Variants in UNC13B observed in about 807,000 individuals in gnomAD.
UNC13B encodes protein unc-13 homolog B.
Under a neutral mutation model 211.0 loss-of-function variants are expected in UNC13B, and 144 were observed. The observed-to-expected ratio is 0.68, with a 90% CI of 0.60 to 0.78. The LOEUF is 0.78. UNC13B is among the 30% of genes least tolerant of loss of function. The pLI is 0.00. For synonymous variants in UNC13B, 709 were observed against 725.8 expected (o/e 0.98, Z 0.37); for missense variants, 1,777 against 2,002.0 (o/e 0.89, Z 2.14).
intron 6 of UNC13B, among the ~76,000 whole-genome samples, chr9:35,251,400 AACAT>A (rs949035937): frequency 2.6e-4 from 40 of 152,170 alleles, no homozygotes; most frequent in African/African-American, 8.9e-4. Flanking sequence ...CAGCCTGACC[AACAT>A]GGTGAAAACC....
At chr9:35,231,041 G>T in intron 2 of UNC13B, 79 bp from the exon 3 acceptor site, 1 of 908,604 alleles carries the variant, frequency 1.1e-6, no homozygotes, top group South Asian at 1.6e-5. Flanking sequence ...TTTCTATATT[G>T]CTTAATTCCA....
At chr9:35,211,254 G>T (rs1823949716) in intron 1 of UNC13B, among the ~76,000 whole-genome samples, 1 of 152,174 alleles carries the variant, frequency 6.6e-6, no homozygotes, top group Non-Finnish European at 1.5e-5. Flanking sequence ...AAGGTTCTTT[G>T]TGTGTTCTTC....
At chr9:35,386,097 A>G (rs1835170268) in intron 23 of UNC13B, 68 bp from the exon 24 acceptor site, 1 of 1,600,038 alleles carries the variant, frequency 6.2e-7, no homozygotes, top group Non-Finnish European at 8.5e-7. Flanking sequence ...GGTTTGGGGT[A>G]GTGCTAGGAG....
intron 11 of UNC13B, among the ~76,000 whole-genome samples, chr9:35,357,741 A>AT (rs1382975034): frequency 6.6e-6 from 1 of 152,098 alleles, no homozygotes; most frequent in Admixed American, 6.6e-5. Context: ...TCAAAAAACA[A>AT]TTTTTTGTGG....
At chr9:35,314,841 A>G (rs1830364587) in intron 11 of UNC13B, among the ~76,000 whole-genome samples, 1 of 136,130 alleles carries the variant, frequency 7.3e-6, no homozygotes, top group Non-Finnish European at 1.6e-5. Flanking sequence ...AAAGCCAAAC[A>G]TCTGTTGATG....
At chr9:35,396,758 G>T in intron 27 of UNC13B, 83 bp from the exon 28 acceptor site, 1 of 1,601,422 alleles carries the variant, frequency 6.2e-7, no homozygotes, top group Non-Finnish European at 8.6e-7. Context: ...GCCATCCCGA[G>T]GACCCCAGTC....
rs149441153 is a variant in UNC13B, at chr9:35,295,177, A to G, written c.527-519A>G. ...CTTGGCTTTGACCTTCCTGATTTCCAGGACCAGCTTCTGATGTTAGACCTG... is the reference window on the plus strand; with the variant it reads ...CTTGGCTTTGACCTTCCTGATTTCCGGGACCAGCTTCTGATGTTAGACCTG... On this transcript the variant is annotated intron_variant, in intron 7 of 39. Coordinates refer to ENST00000635942, the MANE Select transcript of UNC13B (RefSeq NM_001371189.2). Among the ~76,000 whole-genome samples, 620 of 152,264 alleles carry G rather than the reference A, an allele frequency of 4.1e-3. 6 individuals carry two copies. Among genetic ancestry groups the G allele is most frequent in the African/African-American group, 0.014 (589 of 41,546 alleles).
intron 6 of UNC13B, among the ~76,000 whole-genome samples, chr9:35,252,791 G>A (rs1024958691): frequency 3.3e-5 from 5 of 152,002 alleles, no homozygotes; most frequent in African/African-American, 1.2e-4. Flanking sequence ...TTAGCCGGGC[G>A]TGTTGGCAGG....
At chr9:35,259,650 A>G (rs1827136429) in intron 7 of UNC13B, among the ~76,000 whole-genome samples, 1 of 151,956 alleles carries the variant, frequency 6.6e-6, no homozygotes, top group Admixed American at 6.6e-5. Context: ...AATTATTGAA[A>G]TGAGCCATAC....
intron 6 of UNC13B, among the ~76,000 whole-genome samples, chr9:35,257,429 A>G (rs1259919001): frequency 8.1e-6 from 1 of 123,396 alleles, no homozygotes; most frequent in Non-Finnish European, 1.8e-5. Context: ...AAAAATATAA[A>G]TATTAGCCAT....
intron 1 of UNC13B, among the ~76,000 whole-genome samples, chr9:35,163,320 T>A (rs1820874128): frequency 6.6e-6 from 1 of 152,232 alleles, no homozygotes; most frequent in South Asian, 2.1e-4. Flanking sequence ...TTAGAAGCAT[T>A]GTTGTTGTTT....
chr9:35,398,619 G>C lies in UNC13B; in HGVS notation c.11898G>C (p.Glu3966Asp), dbSNP rs1836051000. Residue 3966 changes from glutamate (E) to aspartate (D), a missense_variant, in exon 32 of 40, where the codon GAG (glutamate) becomes GAC (aspartate). By Grantham distance (45) the Glu-to-Asp change is conservative (BLOSUM62 2). Coordinates refer to ENST00000635942, the MANE Select transcript of UNC13B (RefSeq NM_001371189.2). ...TGAAACTGAATACGGTTCTGGATGAGCTCAGCATGGTGTTTGGAAACAGGT... is the reference window on the plus strand; with the variant it reads ...TGAAACTGAATACGGTTCTGGATGACCTCAGCATGGTGTTTGGAAACAGGT... ...LQVKLNTVLD[E>D]LSMVFGNSFQ... is the part of the protein sequence containing the mutation. 6.2e-7 allele frequency: 1 copy of C among 1,614,038 alleles called. No individual in the cohort carries two copies. Among genetic ancestry groups the C allele is most frequent in the Non-Finnish European group, 8.5e-7 (1 of 1,180,020 alleles).
At chr9:35,280,674 A>G (rs1412037587) in intron 7 of UNC13B, among the ~76,000 whole-genome samples, 1 of 152,236 alleles carries the variant, frequency 6.6e-6, no homozygotes, top group Non-Finnish European at 1.5e-5. Context: ...CAAACTAAAA[A>G]GAAAAGAGAG....
chr9:35,300,004 G>A (rs1017634415), intron 8 of UNC13B, among the ~76,000 whole-genome samples, 162 bp from the exon 9 acceptor site: 10 of 152,160 alleles, frequency 6.6e-5, no homozygotes, highest in African/African-American at 2.4e-4. Flanking sequence ...ACATAAACTT[G>A]AAGGAAGCAG....
chr9:35,352,199 G>C, intron 11 of UNC13B: 1 of 1,232,154 alleles, frequency 8.1e-7, no homozygotes, highest in East Asian at 3.2e-5. Context: ...GTATTTGTAC[G>C]GACTTCCTGA....
At chr9:35,371,183 C>T (rs1333548869) in intron 13 of UNC13B, among the ~76,000 whole-genome samples, 2 of 151,972 alleles carry the variant, frequency 1.3e-5, no homozygotes. Flanking sequence ...TATTGTTTTT[C>T]CTAACCACCC....
At chr9:35,204,007 C>G (rs368765191) in intron 1 of UNC13B, among the ~76,000 whole-genome samples, 2 of 152,384 alleles carry the variant, frequency 1.3e-5, no homozygotes, top group Non-Finnish European at 1.5e-5. Context: ...ATTTTCTTGG[C>G]TAGGCCCAGG....
intron 11 of UNC13B, among the ~76,000 whole-genome samples, chr9:35,358,087 C>A (rs1286561313): frequency 6.6e-6 from 1 of 152,188 alleles, no homozygotes. Flanking sequence ...AGCGTAATGT[C>A]CTCAAGGTTC....
chr9:35,310,155 G>C (rs1467599812), intron 9 of UNC13B, among the ~76,000 whole-genome samples: 1 of 152,198 alleles, frequency 6.6e-6, no homozygotes, highest in South Asian at 2.1e-4. Context: ...TTAGGAATAA[G>C]TAACAGGCCA....
Sources: gnomAD v4.1 joint callset for allele counts (sites outside exome capture counted in the v4.1 genomes callset) on GRCh38, gnomAD v4.1.1 for gene constraint, MANE v1.5 for transcripts, NCBI Gene and HGNC (gene_info 2026-07-23, HGNC 2026-07-21) for gene names.